The following COLEC10 variants were observed in gnomAD, a reference collection of about 807,000 sequenced individuals.
The protein encoded by COLEC10 is collectin-10.
A neutral mutation model predicts 28.4 loss-of-function variants in COLEC10; 22 were observed. The observed-to-expected ratio is 0.78, with a 90% CI of 0.55 to 1.11. The LOEUF is 1.11. Among genes scored for constraint, COLEC10 ranks in the 50% least tolerant of loss-of-function variants. The pLI, the probability that COLEC10 is intolerant of heterozygous loss-of-function variation, is 0.00. For synonymous variants in COLEC10, 125 were observed against 116.1 expected, an observed-to-expected ratio of 1.08 and a Z score of -0.49; for missense variants, 361 against 344.1, an observed-to-expected ratio of 1.05 and a Z score of -0.39.
chr8:119,089,323 CTG>C (rs140475138), intron 1 of COLEC10, among the ~76,000 whole-genome samples: 25 of 150,574 alleles, frequency 1.7e-4, no homozygotes, highest in Non-Finnish European at 2.2e-4. Context: ...ATGTGTGCCT[CTG>C]TGTGTGTGTG....
chr8:119,095,012 G>A (rs1815681311), intron 3 of COLEC10, among the ~76,000 whole-genome samples: 1 of 152,006 alleles, frequency 6.6e-6, no homozygotes, highest in South Asian at 2.1e-4. Context: ...GCAAAAAATG[G>A]AAGAAAAATA....
upstream of COLEC10, among the ~76,000 whole-genome samples, chr8:118,995,045 A>G (rs1813566614): frequency 6.6e-6 from 1 of 152,192 alleles, no homozygotes; most frequent in Non-Finnish European, 1.5e-5. Flanking sequence ...TCCTTAAGCT[A>G]CAAGTCTTAT....
Position 119,106,229 on chromosome 8 carries a change from C to A in COLEC10, c.*38C>A. On this transcript the variant is annotated 3_prime_UTR_variant, in exon 6 of 6. Transcript: ENST00000332843. ...TACGTATTTGCTATTTTCCTGTGAC[C>A]GTCATTACAGTTATTGTTATCCATC... 6.4e-7 allele frequency: 1 copy of A among 1,557,812 alleles called. No individual in the cohort carries two copies. Among genetic ancestry groups the A allele is most frequent in the South Asian group, 1.2e-5 (1 of 83,018 alleles).
chr8:119,056,029 T>G (rs1180326560), intron 2 of COLEC10, among the ~76,000 whole-genome samples: 1 of 152,062 alleles, frequency 6.6e-6, no homozygotes, highest in African/African-American at 2.4e-5. Context: ...CAATTTGCAT[T>G]CTTTGTTTCA....
At chr8:119,027,954 A>T (rs1814222736) in intron 2 of COLEC10, among the ~76,000 whole-genome samples, 1 of 152,226 alleles carries the variant, frequency 6.6e-6, no homozygotes, top group African/African-American at 2.4e-5. Context: ...TTAGTGTAGT[A>T]GCCTTATTGC....
intron 5 of COLEC10, 21 bp from the exon 6 acceptor site, chr8:119,105,779 C>G: frequency 6.3e-7 from 1 of 1,579,374 alleles, no homozygotes; most frequent in Non-Finnish European, 8.6e-7. Flanking sequence ...CGTAATGATA[C>G]TCCTTTTTCT....
intron 3 of COLEC10, among the ~76,000 whole-genome samples, chr8:119,100,675 C>G (rs1291312590): frequency 6.6e-6 from 1 of 152,170 alleles, no homozygotes; most frequent in African/African-American, 2.4e-5. Context: ...TACCCTTCCA[C>G]TTGAAGCACT....
Position 119,105,895 on chromosome 8 carries a change from G to A in COLEC10, c.538G>A (p.Gly180Ser). The change falls in exon 6 of 6, where the codon GGT becomes AGT. Residue 180 changes from glycine (G) to serine (S), a missense_variant. Physicochemically the swap from Gly to Ser is moderately conservative, Grantham distance 56 (BLOSUM62 0). Transcript: ENST00000332843. ...RESLTHCRIR[G>S]GMLAMPKDEA... ...ATCCCTAACCCACTGCAGGATTCGG[G>A]GTGGAATGCTAGCCATGCCCAAGGA... 6.2e-7 allele frequency: 1 copy of A among 1,613,800 alleles called. No homozygotes were observed. Among genetic ancestry groups the A allele is most frequent in the South Asian group, 1.1e-5 (1 of 91,074 alleles).
intron 2 of COLEC10, among the ~76,000 whole-genome samples, chr8:119,024,911 G>A (rs139031303): frequency 1.2e-4 from 18 of 152,168 alleles, no homozygotes; most frequent in East Asian, 3.9e-4. Context: ...TTTAGTTCTC[G>A]TATGACTCTT....
intron 2 of COLEC10, among the ~76,000 whole-genome samples, chr8:119,053,515 A>T (rs1441658430): frequency 6.6e-6 from 1 of 152,108 alleles, no homozygotes; most frequent in Non-Finnish European, 1.5e-5. Flanking sequence ...GTTAGTGAGC[A>T]ATAGTTCTTA....
At chr8:119,009,777 C>T (rs1813871783) in intron 2 of COLEC10, among the ~76,000 whole-genome samples, 1 of 149,816 alleles carries the variant, frequency 6.7e-6, no homozygotes, top group South Asian at 2.1e-4. Flanking sequence ...GAAGATTATA[C>T]TTTGGCTCCC....
intron 2 of COLEC10, 106 bp from the exon 3 acceptor site, chr8:119,091,043 T>C (rs1053738056): frequency 7.2e-6 from 6 of 835,298 alleles, no homozygotes; most frequent in Non-Finnish European, 1.0e-5. Context: ...ATATCACTGG[T>C]AGAAGAATAT....
intron 1 of COLEC10, among the ~76,000 whole-genome samples, chr8:119,079,569 T>G (rs1225079100): frequency 6.6e-6 from 1 of 152,192 alleles, no homozygotes; most frequent in African/African-American, 2.4e-5. Context: ...CAAAACTTAA[T>G]GTTGCATTTT....
intron 2 of COLEC10, among the ~76,000 whole-genome samples, chr8:119,010,212 T>C (rs1813879914): frequency 6.6e-6 from 1 of 150,828 alleles, no homozygotes. Flanking sequence ...CTGATCTTTT[T>C]ACTATCTTCA....
chr8:118,976,689 G>A, the COLEC10 span: 3 of 152,094 alleles, frequency 2.0e-5, no homozygotes, highest in African/African-American at 7.2e-5. Flanking sequence ...ATAGGCATGG[G>A]CAAGGACTTC....
At chr8:119,089,631 A>T (rs763547943) in intron 1 of COLEC10, 49 bp from the exon 2 acceptor site, 1 of 1,433,156 alleles carries the variant, frequency 7.0e-7, no homozygotes, top group Non-Finnish European at 9.8e-7. Flanking sequence ...GAATGTGCTC[A>T]TGTTACTGTT....
intron 2 of COLEC10, among the ~76,000 whole-genome samples, chr8:119,031,387 A>G (rs1814285441): frequency 6.6e-6 from 1 of 152,208 alleles, no homozygotes; most frequent in African/African-American, 2.4e-5. Context: ...ACATATGATC[A>G]TAGAAGTATG....
intron 2 of COLEC10, among the ~76,000 whole-genome samples, chr8:119,027,331 T>G (rs1165379303): frequency 6.6e-6 from 1 of 152,194 alleles, no homozygotes; most frequent in African/African-American, 2.4e-5. Context: ...TATTAAGTTT[T>G]TCTTTTATAT....
chr8:118,976,075 C>A, the COLEC10 span, among the ~76,000 whole-genome samples: 4 of 151,972 alleles, frequency 2.6e-5, no homozygotes, highest in African/African-American at 7.2e-5. Context: ...GTTTGAAATA[C>A]CTTAATTACA....
Sources: gnomAD v4.1 joint callset for allele counts (sites outside exome capture counted in the v4.1 genomes callset) on GRCh38, gnomAD v4.1.1 for gene constraint, MANE v1.5 for transcripts, NCBI Gene and HGNC (gene_info 2026-07-23, HGNC 2026-07-21) for gene names.